Variants in TENM2 observed in about 807,000 individuals in gnomAD.
The protein encoded by TENM2 is teneurin transmembrane protein 2.
Under a neutral mutation model 245.2 loss-of-function variants are expected in TENM2, and 52 were observed. The ratio of observed to expected loss-of-function variants is 0.21; its 90% confidence interval spans 0.17 to 0.27. The LOEUF (loss-of-function observed/expected upper bound fraction) is 0.27. TENM2 is among the 10% of genes least tolerant of loss of function. TENM2 has a pLI of 1.00. For synonymous variants in TENM2, 1,363 were observed against 1,438.9 expected (o/e 0.95, Z 1.19); for missense variants, 3,046 against 3,666.8 (o/e 0.83, Z 4.37).
At chr5:167,668,186 C>T (rs761263239) in intron 2 of TENM2, among the ~76,000 whole-genome samples, 4 of 152,092 alleles carry the variant, frequency 2.6e-5, no homozygotes, top group East Asian at 1.9e-4. Context: ...GGGGCTGCTT[C>T]GTTTATTTAA....
At chr5:167,030,585 A>T in the TENM2 span, among the ~76,000 whole-genome samples, 3 of 151,700 alleles carry the variant, frequency 2.0e-5, no homozygotes, top group Non-Finnish European at 2.9e-5. Context: ...CTTAACTTCC[A>T]CTTGCTTGCT....
intron 2 of TENM2, among the ~76,000 whole-genome samples, chr5:167,383,004 G>A (rs1034680400): frequency 6.6e-6 from 1 of 152,052 alleles, no homozygotes; most frequent in Non-Finnish European, 1.5e-5. Flanking sequence ...ATGAAGAGTT[G>A]TGTTAATTTG....
chr5:167,696,882 A>G (rs1274206407), intron 2 of TENM2, among the ~76,000 whole-genome samples: 1 of 152,192 alleles, frequency 6.6e-6, no homozygotes, highest in East Asian at 1.9e-4. Flanking sequence ...AGACCTTAAA[A>G]AGTGAATCAA....
intron 2 of TENM2, among the ~76,000 whole-genome samples, chr5:167,746,484 C>A (rs766477513): frequency 1.3e-5 from 2 of 152,032 alleles, no homozygotes; most frequent in Non-Finnish European, 2.9e-5. Context: ...CAGCCATGGC[C>A]CCTTGAGGTC....
At chr5:167,314,082 T>G (rs1756205803) in intron 1 of TENM2, among the ~76,000 whole-genome samples, 1 of 152,204 alleles carries the variant, frequency 6.6e-6, no homozygotes, top group Non-Finnish European at 1.5e-5. Flanking sequence ...CATTGCCATA[T>G]AGAGTGGCAA....
chr5:167,371,334 G>GTTTTTTTTTTTTTTTTTTTTTTTT (rs768614312), intron 1 of TENM2, among the ~76,000 whole-genome samples: 3 of 128,968 alleles, frequency 2.3e-5, no homozygotes, highest in African/African-American at 5.8e-5. Flanking sequence ...ATGGCTCCCT[G>GTTTTTTTTTTTTTTTTTTTTTTTT]TTTTTTTTTT....
chr5:167,709,072 C>A (rs999860684), intron 2 of TENM2, among the ~76,000 whole-genome samples: 18 of 152,084 alleles, frequency 1.2e-4, no homozygotes, highest in Non-Finnish European at 2.4e-4. Context: ...CATCTAAATC[C>A]AAGTATAGTC....
intron 2 of TENM2, among the ~76,000 whole-genome samples, chr5:167,692,766 G>A (rs565223319): frequency 1.3e-5 from 2 of 152,310 alleles, no homozygotes; most frequent in Admixed American, 1.3e-4. Flanking sequence ...TAACAATTAA[G>A]TGGTGAACTG....
chr5:167,525,386 A>C (rs971902567), intron 2 of TENM2, among the ~76,000 whole-genome samples: 1 of 152,108 alleles, frequency 6.6e-6, no homozygotes, highest in Non-Finnish European at 1.5e-5. Context: ...TTCCTAGAGA[A>C]GTTATTTATA....
At chr5:167,733,664 T>G (rs1220152345) in intron 2 of TENM2, among the ~76,000 whole-genome samples, 1 of 152,326 alleles carries the variant, frequency 6.6e-6, no homozygotes, top group Non-Finnish European at 1.5e-5. Context: ...TGTTTACATA[T>G]GTAGCTGCTA....
intron 1 of TENM2, among the ~76,000 whole-genome samples, chr5:167,326,336 T>C (rs1243867521): frequency 1.3e-5 from 2 of 152,142 alleles, no homozygotes; most frequent in African/African-American, 2.4e-5. Flanking sequence ...ATTAAATTTC[T>C]GGAAATGGCC....
chr5:167,943,335 A>C (rs991506111), intron 3 of TENM2, among the ~76,000 whole-genome samples: 2 of 152,280 alleles, frequency 1.3e-5, no homozygotes, highest in Admixed American at 1.3e-4. Flanking sequence ...TCAAATCAAA[A>C]TTATATTTTA....
At chr5:166,999,597 G>A in the TENM2 span, among the ~76,000 whole-genome samples, 1 of 152,136 alleles carries the variant, frequency 6.6e-6, no homozygotes, top group African/African-American at 2.4e-5. Flanking sequence ...AACATACTTA[G>A]GAAAAGGGGT....
At chr5:167,600,044 G>T (rs1776505068) in intron 2 of TENM2, among the ~76,000 whole-genome samples, 1 of 41,000 alleles carries the variant, frequency 2.4e-5, no homozygotes, top group Admixed American at 2.4e-4. Flanking sequence ...TACTCGAGAG[G>T]CTGAGGCGGG....
At chr5:167,417,346 T>C (rs1763222767) in intron 2 of TENM2, among the ~76,000 whole-genome samples, 1 of 152,122 alleles carries the variant, frequency 6.6e-6, no homozygotes, top group South Asian at 2.1e-4. Flanking sequence ...AGTGCAGTGC[T>C]CCCCTCTTAG....
At chr5:167,883,339 T>C (rs1421986) in intron 3 of TENM2, among the ~76,000 whole-genome samples, 5,217 of 152,344 alleles carry the variant, frequency 0.034, 148 homozygotes, top group South Asian at 0.068. Context: ...CTTCTTTTCC[T>C]TTGTGCCTTC....
intron 2 of TENM2, among the ~76,000 whole-genome samples, chr5:167,540,373 A>C (rs1772122949): frequency 6.6e-6 from 1 of 152,234 alleles, no homozygotes; most frequent in African/African-American, 2.4e-5. Context: ...GTTTTTGTAC[A>C]GCTGTAAACT....
rs113973167 is a variant in TENM2, at chr5:167,973,368, T to C, written c.948-19576T>C. The stretch of plus-strand genomic sequence containing the variant: ...CTGTTGGTAATCCCATTACCAGCTG[T>C]GTTCATAGGACTTCAGCTTAATTCA... On this transcript the variant is annotated intron_variant, in intron 4 of 28. Coordinates refer to ENST00000518659, the Ensembl canonical transcript of TENM2. Among the ~76,000 whole-genome samples, 89 of 152,330 alleles carry C rather than the reference T, an allele frequency of 5.8e-4. 1 individual carries two copies. The highest frequency in any genetic ancestry group is 3.4e-3 in the Middle Eastern group (1 of 294).
At chr5:167,321,363 T>C (rs528439696) in intron 1 of TENM2, among the ~76,000 whole-genome samples, 6 of 152,170 alleles carry the variant, frequency 3.9e-5, no homozygotes, top group Admixed American at 2.0e-4. Context: ...TGGCCTGCTT[T>C]TTCCTTTTCT....
Sources: allele counts gnomAD v4.1 joint callset (sites outside exome capture counted in the v4.1 genomes callset), GRCh38; gene constraint gnomAD v4.1.1; transcripts MANE v1.5; gene names NCBI Gene and HGNC (gene_info 2026-07-23, HGNC 2026-07-21).